Variants in DRICH1 observed in about 807,000 individuals in gnomAD.
DRICH1 encodes the protein aspartate rich 1, also known as aspartate-rich protein 1.
In DRICH1, 38 loss-of-function variants were observed where a neutral mutation model predicts 39.5. The ratio of observed to expected loss-of-function variants is 0.96; its 90% CI spans 0.74 to 1.26. The LOEUF is 1.26. Among genes scored for constraint, DRICH1 ranks in the 50% most tolerant of loss-of-function variants. The pLI is 0.00. For missense variants in DRICH1, 279 were observed against 270.4 expected, an observed-to-expected ratio of 1.03 and a Z score of -0.22; for synonymous variants, 84 against 99.5, an observed-to-expected ratio of 0.84 and a Z score of 0.93.
At chr22:23,621,692 T>A (rs1221693324) in intron 4 of DRICH1, among the ~76,000 whole-genome samples, 1 of 152,138 alleles carries the variant, frequency 6.6e-6, no homozygotes, top group African/African-American at 2.4e-5. Context: ...GGTGGGTGGA[T>A]TACCTGCGGT....
chr22:23,620,155 G>T (rs1927633695), intron 5 of DRICH1, among the ~76,000 whole-genome samples: 1 of 151,982 alleles, frequency 6.6e-6, no homozygotes, highest in South Asian at 2.1e-4. Context: ...AAAGAACTCG[G>T]CTTATATTTA....
chr22:23,622,238 A>G, intron 3 of DRICH1, 62 bp from the exon 4 acceptor site: 2 of 1,474,340 alleles, frequency 1.4e-6, no homozygotes, highest in Non-Finnish European at 9.5e-7. Context: ...TCACTCAGGG[A>G]GCTTTGCTGG....
intron 6 of DRICH1, 29 bp downstream of exon 6, chr22:23,619,335 A>G (rs774089290): frequency 1.3e-6 from 1 of 780,562 alleles, no homozygotes; most frequent in Non-Finnish European, 2.4e-6. Context: ...ACTAACACAC[A>G]ATACTACACA....
At chr22:23,606,890 G>A (rs1323474362), downstream of DRICH1, among the ~76,000 whole-genome samples, 1 of 152,210 alleles carries the variant, frequency 6.6e-6, no homozygotes, top group African/African-American at 2.4e-5. Context: ...CAGGCCCCTG[G>A]CCAGGCAGCT....
At chr22:23,608,243 GCC>G (rs1926842780), downstream of DRICH1, 1 of 155,318 alleles carries the variant, frequency 6.4e-6, no homozygotes, top group Non-Finnish European at 1.4e-5. Flanking sequence ...GGCCACCAAG[GCC>G]CTCACCATGC....
At chr22:23,609,342 G>C (rs1349904196) in intron 11 of DRICH1, among the ~76,000 whole-genome samples, 4 of 152,188 alleles carry the variant, frequency 2.6e-5, no homozygotes, top group Non-Finnish European at 4.4e-5. Context: ...TATCATAAAT[G>C]GGTATGATTT....
the DRICH1 span, among the ~76,000 whole-genome samples, chr22:23,587,305 C>G: frequency 6.6e-6 from 1 of 152,170 alleles, no homozygotes; most frequent in South Asian, 2.1e-4. Flanking sequence ...GGAGTTACTG[C>G]CTGGCATAAC....
At chr22:23,590,278 A>ATTTATTTT in the DRICH1 span, among the ~76,000 whole-genome samples, 1 of 137,528 alleles carries the variant, frequency 7.3e-6, no homozygotes. Context: ...CAGCCCTTTG[A>ATTTATTTT]TTTTTTTTTT....
intron 11 of DRICH1, among the ~76,000 whole-genome samples, chr22:23,612,845 A>G (rs148305983): frequency 6.6e-6 from 1 of 152,324 alleles, no homozygotes; most frequent in African/African-American, 2.4e-5. Context: ...CTGAAAGTTC[A>G]GAGGGTGATT....
At chr22:23,597,582 G>T in the DRICH1 span, among the ~76,000 whole-genome samples, 1 of 151,832 alleles carries the variant, frequency 6.6e-6, no homozygotes, top group Non-Finnish European at 1.5e-5. Context: ...CCGTGTATGC[G>T]CCAGGCACTA....
At chr22:23,582,314 T>C in the DRICH1 span, among the ~76,000 whole-genome samples, 112 of 151,890 alleles carry the variant, frequency 7.4e-4, no homozygotes, top group African/African-American at 2.4e-3. Flanking sequence ...CTCACTCTGT[T>C]GCCCAGGCTG....
At chr22:23,595,684 G>C in the DRICH1 span, among the ~76,000 whole-genome samples, 3 of 152,226 alleles carry the variant, frequency 2.0e-5, no homozygotes, top group African/African-American at 7.2e-5. Flanking sequence ...ACCAACTCAG[G>C]AGGCTGCCCC....
Position 23,631,941 on chromosome 22 carries a change from G to T in DRICH1, c.83C>A (p.Thr28Asn). The T allele has an allele frequency of 6.2e-7, 1 of 1,613,832 alleles. No individual in the cohort carries two copies. Among genetic ancestry groups the T allele is most frequent in the Non-Finnish European group, 8.5e-7 (1 of 1,180,046 alleles). Residue 28 changes from threonine (T) to asparagine (N), a missense_variant, in exon 1 of 12, where the codon ACT becomes AAT. Coordinates refer to ENST00000317749, the MANE Select transcript of DRICH1 (RefSeq NM_016449.4). Reference sequence around the variant, plus strand: ...AGCAGCCACAGTCTCATAAATATCAGTATCAGATTCATAACAGGGTGCGTC... The same window carrying T: ...AGCAGCCACAGTCTCATAAATATCATTATCAGATTCATAACAGGGTGCGTC... Reference protein sequence around the residue: ...GKDAPCYESDTDIYETVAAAT... With the variant: ...GKDAPCYESDNDIYETVAAAT...
chr22:23,620,504 A>G (rs768969044), intron 5 of DRICH1, 90 bp downstream of exon 5: 398 of 1,435,106 alleles, frequency 2.8e-4, no homozygotes, highest in Non-Finnish European at 3.7e-4. Flanking sequence ...CACACCCCCA[A>G]TATTTTTAAC....
the DRICH1 span, among the ~76,000 whole-genome samples, chr22:23,591,036 C>T: frequency 6.6e-6 from 1 of 152,182 alleles, no homozygotes; most frequent in East Asian, 1.9e-4. Context: ...ATAAGGCTGT[C>T]TACTGTCTTC....
At chr22:23,620,837 C>A (rs1170687556) in intron 4 of DRICH1, among the ~76,000 whole-genome samples, 1 of 152,132 alleles carries the variant, frequency 6.6e-6, no homozygotes, top group Non-Finnish European at 1.5e-5. Context: ...ATCTTTAAGG[C>A]TATTGACTTA....
At chr22:23,599,897 C>A in the DRICH1 span, among the ~76,000 whole-genome samples, 1 of 152,198 alleles carries the variant, frequency 6.6e-6, no homozygotes, top group Non-Finnish European at 1.5e-5. Context: ...CCTTCTCCCA[C>A]GGTGCATGAT....
At chr22:23,594,554 C>T in the DRICH1 span, among the ~76,000 whole-genome samples, 1 of 152,188 alleles carries the variant, frequency 6.6e-6, no homozygotes, top group East Asian at 1.9e-4. Flanking sequence ...TGAAACCACG[C>T]CTGGCTAATT....
In DRICH1 at chr22:23,616,854, C is replaced by A. The variant is rs549135381; in HGVS notation, c.540G>T (p.Gln180His). ...AGTGAGTTAGTTCAAGGTACATACC[C>A]TGGACAGGTGACGGTAAAATCTGCA... is the stretch of plus-strand genomic sequence containing the variant. ...DDAQILPSPV[Q>H]ACSEDSLFLR... Residue 180 changes from glutamine (Q) to histidine (H), a missense_variant and splice_region_variant, in exon 8 of 12, where the codon CAG becomes CAT. Coordinates refer to ENST00000317749, the MANE Select transcript of DRICH1 (RefSeq NM_016449.4). 1 of 1,614,074 alleles carries A rather than the reference C, an allele frequency of 6.2e-7. No individual in the cohort carries two copies. The highest frequency in any genetic ancestry group is 2.2e-5 in the East Asian group (1 of 44,884).
Sources: allele counts gnomAD v4.1 joint callset (sites outside exome capture counted in the v4.1 genomes callset), GRCh38; gene constraint gnomAD v4.1.1; transcripts MANE v1.5; gene names NCBI Gene and HGNC (gene_info 2026-07-23, HGNC 2026-07-21).